The following AKAP12 variants were observed in gnomAD, a reference collection of about 807,000 sequenced individuals.
The protein encoded by AKAP12 is A-kinase anchor protein 12.
A neutral mutation model predicts 79.9 loss-of-function variants in AKAP12; 32 were observed. The observed-to-expected ratio is 0.40, with a 90% confidence interval of 0.30 to 0.54. The LOEUF (loss-of-function observed/expected upper bound fraction) is 0.54. AKAP12 is among the 20% of genes least tolerant of loss of function. AKAP12 has a pLI of 0.48. For synonymous variants in AKAP12, 808 were observed against 857.0 expected (o/e 0.94, Z 1.00); for missense variants, 2,074 against 2,177.0 (o/e 0.95, Z 0.94).
intron 2 of AKAP12, among the ~76,000 whole-genome samples, chr6:151,276,205 C>T (rs930124735): frequency 2.0e-5 from 3 of 151,558 alleles, no homozygotes; most frequent in Non-Finnish European, 4.4e-5. Context: ...TTTCCATGTT[C>T]CTGAACACCC....
At chr6:151,296,073 T>C (rs1265734581) in intron 2 of AKAP12, among the ~76,000 whole-genome samples, 1 of 152,184 alleles carries the variant, frequency 6.6e-6, no homozygotes, top group African/African-American at 2.4e-5. Flanking sequence ...TATTTAAAGA[T>C]CAGAGACTTC....
At position 151,349,460 on chromosome 6, in the gene AKAP12, C is replaced by T. The variant is rs1778213816; in HGVS notation, c.1069C>T (p.His357Tyr). The T allele has an allele frequency of 3.1e-6, 5 of 1,605,784 alleles. No homozygotes were observed. Among genetic ancestry groups the T allele is most frequent in the Non-Finnish European group, 4.2e-6 (5 of 1,177,650 alleles). Residue 357 changes from histidine to tyrosine, a missense_variant, in exon 4 of 5, where the codon CAC becomes TAC. Physicochemically the swap from His to Tyr is moderately conservative, Grantham distance 83. Transcript: ENST00000402676. Reference protein sequence around the residue: ...SEKLTASEQAHPQEPAESAHE... With the variant: ...SEKLTASEQAYPQEPAESAHE... The stretch of plus-strand genomic sequence containing the variant: ...GAAACTGACCGCCTCCGAGCAAGCC[C>T]ACCCACAGGAGCCGGCAGAAAGTGC...
chr6:151,330,654 T>G (rs1196593927), intron 3 of AKAP12, among the ~76,000 whole-genome samples: 1 of 152,194 alleles, frequency 6.6e-6, no homozygotes, highest in Non-Finnish European at 1.5e-5. Context: ...ATGGTGCTGG[T>G]GTCACTGAAA....
chr6:151,278,577 C>T (rs1182142505), intron 2 of AKAP12, among the ~76,000 whole-genome samples: 1 of 152,002 alleles, frequency 6.6e-6, no homozygotes, highest in Non-Finnish European at 1.5e-5. Flanking sequence ...AGGTCAGTTT[C>T]TGGGAAGTTC....
intron 3 of AKAP12, among the ~76,000 whole-genome samples, chr6:151,331,951 A>G (rs1396221371): frequency 6.7e-6 from 1 of 149,566 alleles, no homozygotes; most frequent in African/African-American, 2.5e-5. Context: ...TGCAGCCTGG[A>G]ACTCCTGGGC....
At chr6:151,303,021 C>T (rs755280301) in intron 2 of AKAP12, among the ~76,000 whole-genome samples, 156 of 151,550 alleles carry the variant, frequency 1.0e-3, no homozygotes, top group Middle Eastern at 3.4e-3. Context: ...CACGAAATCC[C>T]GTCTCTACTA....
At chr6:151,289,440 A>G (rs1776569206) in intron 2 of AKAP12, among the ~76,000 whole-genome samples, 1 of 152,234 alleles carries the variant, frequency 6.6e-6, no homozygotes, top group Non-Finnish European at 1.5e-5. Flanking sequence ...AGTATGAAAA[A>G]ATAGATTTGG....
intron 2 of AKAP12, among the ~76,000 whole-genome samples, chr6:151,263,115 A>T (rs182632660): frequency 3.7e-4 from 56 of 152,178 alleles, no homozygotes; most frequent in Non-Finnish European, 6.0e-4. Context: ...AGCTTACTGC[A>T]GCCTCAATCT....
intron 4 of AKAP12, among the ~76,000 whole-genome samples, chr6:151,354,575 G>T (rs755678363): frequency 6.7e-6 from 1 of 149,100 alleles, no homozygotes; most frequent in Non-Finnish European, 1.5e-5. Context: ...GGTTTTCACC[G>T]TGTTAGCCAG....
chr6:151,305,168 TG>T (rs1203442135), intron 2 of AKAP12, among the ~76,000 whole-genome samples: 12 of 131,490 alleles, frequency 9.1e-5, no homozygotes, highest in Admixed American at 4.2e-4. Flanking sequence ...CAGTCAGGGC[TG>T]TTTTTTTTTT....
chr6:151,312,793 CAAAAAAAAA>C (rs55685824), intron 3 of AKAP12, among the ~76,000 whole-genome samples: 2 of 73,012 alleles, frequency 2.7e-5, no homozygotes, highest in Non-Finnish European at 5.1e-5. Context: ...ACTCTGTCTC[CAAAAAAAAA>C]AAAAAAAAAG....
At chr6:151,249,098 CTT>C (rs1179125830) in intron 2 of AKAP12, among the ~76,000 whole-genome samples, 1 of 152,180 alleles carries the variant, frequency 6.6e-6, no homozygotes, top group East Asian at 1.9e-4. Context: ...GAAGCTGTGA[CTT>C]TTCGGTGTTC....
intron 3 of AKAP12, among the ~76,000 whole-genome samples, chr6:151,307,105 TA>T (rs1223285296): frequency 2.6e-5 from 4 of 151,998 alleles, no homozygotes; most frequent in Admixed American, 1.3e-4. Context: ...GAGGGGAGAT[TA>T]GGGGGAGGCT....
At chr6:151,347,109 G>C (rs7776145) in intron 3 of AKAP12, among the ~76,000 whole-genome samples, 1 of 152,146 alleles carries the variant, frequency 6.6e-6, no homozygotes, top group Non-Finnish European at 1.5e-5. Flanking sequence ...AAAATACAAA[G>C]GATCCATTAT....
chr6:151,304,163 A>T (rs1323794929), intron 2 of AKAP12, among the ~76,000 whole-genome samples: 1 of 152,202 alleles, frequency 6.6e-6, no homozygotes, highest in African/African-American at 2.4e-5. Flanking sequence ...TTGGCTTAAA[A>T]TTTTTTTACC....
chr6:151,286,576 C>CA (rs1776509211), intron 2 of AKAP12, among the ~76,000 whole-genome samples: 1 of 152,246 alleles, frequency 6.6e-6, no homozygotes, highest in Non-Finnish European at 1.5e-5. Flanking sequence ...GTTTCACTAG[C>CA]AGTTATAGTC....
At chr6:151,247,403 T>C (rs1204166823) in intron 2 of AKAP12, among the ~76,000 whole-genome samples, 2 of 151,890 alleles carry the variant, frequency 1.3e-5, no homozygotes, top group African/African-American at 2.4e-5. Flanking sequence ...CCTATCTCTA[T>C]TTAAAAAAAC....
At chr6:151,243,735 G>A (rs988073152) in intron 2 of AKAP12, among the ~76,000 whole-genome samples, 1 of 152,132 alleles carries the variant, frequency 6.6e-6, no homozygotes, top group Non-Finnish European at 1.5e-5. Flanking sequence ...ATCTGCCAGG[G>A]TTTAATTTTG....
rs1205169240 is a variant in AKAP12, at chr6:151,350,674, A to ATT, written c.2285_2286dup (p.Lys763LeufsTer4). The ATT allele has an allele frequency of 6.2e-7, 1 of 1,613,772 alleles. No homozygotes were observed. The highest frequency in any genetic ancestry group is 8.5e-7 in the Non-Finnish European group (1 of 1,179,982). ...GGGAGGGCGTTTCCACCTGGGAGTC[A>ATT]TTTAAAAGGTTAGTCACGCCAAGAA... On this transcript the variant is annotated frameshift_variant, in exon 4 of 5. Transcript: ENST00000402676. LOFTEE classifies it high-confidence loss of function. This position sits in a 1 kb window ranked among gnomAD's most constrained non-coding sequence, Gnocchi z 4.8.
Sources: allele counts gnomAD v4.1 joint callset (sites outside exome capture counted in the v4.1 genomes callset), GRCh38; gene constraint gnomAD v4.1.1; non-coding constraint Gnocchi (gnomAD v3.1); transcripts MANE v1.5; gene names NCBI Gene and HGNC (gene_info 2026-07-23, HGNC 2026-07-21).